The following PPP1R9A variants were observed in gnomAD, a reference collection of about 807,000 sequenced individuals.
The protein encoded by PPP1R9A is neurabin-1.
In PPP1R9A, 59 loss-of-function variants were observed where a neutral mutation model predicts 141.9. That is an observed-to-expected ratio of 0.42 (90% CI 0.34 to 0.52). The LOEUF (loss-of-function observed/expected upper bound fraction) is 0.52. Ranked by LOEUF, PPP1R9A falls within the 20% of genes least tolerant of loss-of-function variation. The pLI is 0.10. For missense variants in PPP1R9A, 1,444 were observed against 1,611.9 expected, an observed-to-expected ratio of 0.90 and a Z score of 1.78; for synonymous variants, 500 against 569.7, an observed-to-expected ratio of 0.88 and a Z score of 1.74.
Position 95,165,710 on chromosome 7 carries a change from G to T in PPP1R9A, c.1754+3739G>T, listed in dbSNP as rs1005082072. Among the ~76,000 whole-genome samples, 6 of 152,158 alleles carry T rather than the reference G, an allele frequency of 3.9e-5. No homozygotes were observed. In the East Asian group the frequency reaches 1.2e-3, roughly 29 times the overall value. On this transcript the variant is annotated intron_variant, in intron 5 of 19. Coordinates refer to ENST00000433360, the MANE Select transcript of PPP1R9A (RefSeq NM_001166160.2). ...AAACTGAAAATGTGGGAGTAGCTTT[G>T]GGACTGGACTGTTAGTGAGGCTGGA... is the stretch of plus-strand genomic sequence containing the variant.
intron 3 of PPP1R9A, among the ~76,000 whole-genome samples, chr7:95,113,188 A>C (rs182260808): frequency 6.6e-6 from 1 of 152,332 alleles, no homozygotes; most frequent in East Asian, 1.9e-4. Context: ...GTTGAGACTT[A>C]AGTTGGCGAT....
chr7:95,122,411 T>G (rs1274527710), intron 4 of PPP1R9A, among the ~76,000 whole-genome samples: 3 of 152,194 alleles, frequency 2.0e-5, no homozygotes, highest in Non-Finnish European at 4.4e-5. Flanking sequence ...CCTCCCAAAG[T>G]GCTAGGATTA....
chr7:95,161,827 T>G lies in PPP1R9A; in HGVS notation c.1650-40T>G, dbSNP rs1319250242. On this transcript the variant is annotated intron_variant, in intron 4 of 19. Transcript: ENST00000433360. ...AATGATTATTACATAAATTAATTTT[T>G]TATGTAATTTATGTGGGTAATTTTT... The G allele has an allele frequency of 7.8e-6, 10 of 1,285,716 alleles. No homozygotes were observed. The African/African-American group carries it at 1.1e-4, about 14-fold the overall frequency. The allele number at this position is 1,285,716 out of a possible 1,614,324, so 79.6% of individuals were successfully genotyped here.
intron 8 of PPP1R9A, among the ~76,000 whole-genome samples, chr7:95,228,358 C>T (rs1006621091): frequency 2.0e-5 from 3 of 152,148 alleles, no homozygotes; most frequent in East Asian, 1.9e-4. Context: ...TGGTGTCAAA[C>T]ATATACTGGA....
At chr7:94,942,102 T>G (rs1317091950) in intron 2 of PPP1R9A, among the ~76,000 whole-genome samples, 1 of 152,130 alleles carries the variant, frequency 6.6e-6, no homozygotes, top group Non-Finnish European at 1.5e-5. Context: ...GAAAAGAAAT[T>G]TAATGATTAA....
At chr7:95,249,729 T>C (rs1301568040) in intron 9 of PPP1R9A, among the ~76,000 whole-genome samples, 2 of 152,150 alleles carry the variant, frequency 1.3e-5, no homozygotes, top group Non-Finnish European at 2.9e-5. Context: ...CTGAAACATC[T>C]TTTACTGCTC....
At chr7:95,046,990 A>G (rs1047403068) in intron 2 of PPP1R9A, among the ~76,000 whole-genome samples, 4 of 152,130 alleles carry the variant, frequency 2.6e-5, no homozygotes, top group Admixed American at 6.6e-5. Context: ...AGCTTTTTGT[A>G]TGTCTTGGTT....
intron 2 of PPP1R9A, among the ~76,000 whole-genome samples, chr7:95,024,865 C>T (rs1211922589): frequency 6.6e-6 from 1 of 152,008 alleles, no homozygotes; most frequent in Non-Finnish European, 1.5e-5. Context: ...CAGTTTCTTC[C>T]TAGTGTCAAT....
intron 7 of PPP1R9A, among the ~76,000 whole-genome samples, chr7:95,211,634 A>C (rs1203488660): frequency 6.6e-6 from 1 of 152,124 alleles, no homozygotes; most frequent in Admixed American, 6.6e-5. Flanking sequence ...CTCTGGGTCT[A>C]TTACGACTGA....
At chr7:95,095,619 A>G (rs1046912737) in intron 2 of PPP1R9A, among the ~76,000 whole-genome samples, 26 of 152,224 alleles carry the variant, frequency 1.7e-4, no homozygotes, top group African/African-American at 5.5e-4. Context: ...GAATTGGTCA[A>G]TTACATATGA....
At chr7:95,124,257 G>A (rs1823150637) in intron 4 of PPP1R9A, among the ~76,000 whole-genome samples, 1 of 152,078 alleles carries the variant, frequency 6.6e-6, no homozygotes, top group Admixed American at 6.5e-5. Context: ...TACATTTTAA[G>A]TTATGTACAC....
At chr7:95,238,589 A>G (rs182446982) in intron 8 of PPP1R9A, among the ~76,000 whole-genome samples, 1 of 152,302 alleles carries the variant, frequency 6.6e-6, no homozygotes, top group East Asian at 1.9e-4. Context: ...TAAGACCCTG[A>G]AGCCCATACA....
chr7:94,967,547 T>C (rs1366941621), intron 2 of PPP1R9A, among the ~76,000 whole-genome samples: 2 of 152,184 alleles, frequency 1.3e-5, no homozygotes, highest in African/African-American at 4.8e-5. Context: ...AAAGAACTTA[T>C]TTATTTATAC....
intron 2 of PPP1R9A, among the ~76,000 whole-genome samples, chr7:95,030,740 G>A (rs1320421939): frequency 6.6e-6 from 1 of 152,136 alleles, no homozygotes; most frequent in Non-Finnish European, 1.5e-5. Context: ...CAACCAAAGA[G>A]ATAGAAAAAT....
chr7:95,080,795 A>G lies in PPP1R9A; in HGVS notation c.1396-30464A>G, dbSNP rs925792655. On this transcript the variant is annotated intron_variant, in intron 2 of 19. Transcript: ENST00000433360. ...GGTGGCATTCTGGTCTCCTACAGTC[A>G]TATTTTTGGGTGGCATATTCTGGTT... is the stretch of plus-strand genomic sequence containing the variant. Among the ~76,000 whole-genome samples the G allele has an allele frequency of 3.3e-5, 5 of 152,180 alleles. 1 individual carries two copies. In the South Asian group the frequency reaches 1.0e-3, roughly 32 times the overall value.
intron 2 of PPP1R9A, among the ~76,000 whole-genome samples, chr7:95,016,701 A>G (rs992075366): frequency 2.0e-4 from 30 of 152,150 alleles, no homozygotes; most frequent in African/African-American, 7.0e-4. Flanking sequence ...AGAATCTGTA[A>G]CTCATATTTA....
chr7:95,203,713 A>G lies in PPP1R9A; in HGVS notation c.1939A>G (p.Asn647Asp). Residue 647 changes from asparagine (N) to aspartate (D), a missense_variant, in exon 7 of 20, where the codon AAC becomes GAC. Coordinates refer to ENST00000433360, the MANE Select transcript of PPP1R9A (RefSeq NM_001166160.2). The stretch of plus-strand genomic sequence containing the variant: ...AATGTCTGGCAACTGCAATAACAAT[A>G]ACAACTATTTTCTTAAGGTTTGTTT... Reference protein sequence around the residue: ...QGMSGNCNNNNNYFLKTGEYA... With the variant: ...QGMSGNCNNNDNYFLKTGEYA... 1.3e-6 allele frequency: 2 copies of G among 1,536,298 alleles called. No homozygotes were observed. Among genetic ancestry groups the G allele is most frequent in the Non-Finnish European group, 1.7e-6 (2 of 1,146,242 alleles).
chr7:94,999,448 A>G (rs180767568), intron 2 of PPP1R9A, among the ~76,000 whole-genome samples: 2 of 152,346 alleles, frequency 1.3e-5, no homozygotes, highest in East Asian at 1.9e-4. Context: ...TCTACTGGTT[A>G]TAGCTAGACT....
intron 4 of PPP1R9A, among the ~76,000 whole-genome samples, chr7:95,121,507 A>G (rs1198964499): frequency 6.7e-6 from 1 of 148,560 alleles, no homozygotes; most frequent in African/African-American, 2.5e-5. Flanking sequence ...CTATCTATCT[A>G]TCTTAGGCGA....
Sources: allele counts gnomAD v4.1 joint callset (sites outside exome capture counted in the v4.1 genomes callset), GRCh38; gene constraint gnomAD v4.1.1; transcripts MANE v1.5; gene names NCBI Gene and HGNC (gene_info 2026-07-23, HGNC 2026-07-21).